Variants in PHLDB2 observed in about 807,000 individuals in gnomAD.
The protein encoded by PHLDB2 is pleckstrin homology like domain family B member 2.
PHLDB2 carries 71 observed loss-of-function variants against 123.6 expected under a neutral mutation model. The observed-to-expected ratio is 0.57, with a 90% CI of 0.47 to 0.70. The LOEUF (loss-of-function observed/expected upper bound fraction) is 0.70. Ranked by LOEUF, PHLDB2 falls within the 30% of genes least tolerant of loss-of-function variation. PHLDB2 has a pLI of 0.00. For missense variants in PHLDB2, 1,446 were observed against 1,519.5 expected (o/e 0.95, Z 0.80); for synonymous variants, 547 against 541.6 (o/e 1.01, Z -0.14).
intron 1 of PHLDB2, among the ~76,000 whole-genome samples, chr3:111,871,645 T>TA (rs1019485383): frequency 7.5e-6 from 1 of 133,696 alleles, no homozygotes; most frequent in Non-Finnish European, 1.6e-5. Context: ...CAGACCCTGT[T>TA]AAAAAAACAA....
chr3:111,785,533 G>C (rs1035775533), intron 1 of PHLDB2, among the ~76,000 whole-genome samples: 6 of 151,804 alleles, frequency 4.0e-5, no homozygotes, highest in Non-Finnish European at 1.5e-5. Context: ...TCTTTATTTT[G>C]TTTTTACACA....
At chr3:111,851,396 C>T (rs1205835146) in intron 2 of PHLDB2, among the ~76,000 whole-genome samples, 1 of 151,908 alleles carries the variant, frequency 6.6e-6, no homozygotes, top group African/African-American at 2.4e-5. Context: ...AATGGGCCTG[C>T]TCATGTGTAT....
chr3:111,885,133 T>C lies in PHLDB2; in HGVS notation c.1056T>C (p.Asp352=), dbSNP rs767098773. 1 of 1,614,156 alleles carries C rather than the reference T, an allele frequency of 6.2e-7. No individual in the cohort carries two copies. Among genetic ancestry groups the C allele is most frequent in the Non-Finnish European group, 8.5e-7 (1 of 1,180,030 alleles). Residue 352 remains aspartate (D), a synonymous_variant, in exon 2 of 18, where the codon GAT becomes GAC. Transcript: ENST00000431670. ...CCTCCACCTCCTCCTGTGCCTCTGA[T>C]GACTTTGATCAGGCTTCATATGTGG... is the stretch of plus-strand genomic sequence containing the variant. ...LLASTSSCAS[D]DFDQASYVGT... is the part of the protein sequence containing the mutation.
At chr3:111,843,121 G>A (rs1202616721) in intron 1 of PHLDB2, among the ~76,000 whole-genome samples, 1 of 152,210 alleles carries the variant, frequency 6.6e-6, no homozygotes, top group African/African-American at 2.4e-5. Flanking sequence ...ATACGTAGGA[G>A]TGGAATTTCT....
At chr3:111,777,732 A>G (rs1430924901) in intron 1 of PHLDB2, among the ~76,000 whole-genome samples, 1 of 152,146 alleles carries the variant, frequency 6.6e-6, no homozygotes, top group Admixed American at 6.6e-5. Context: ...AATACAATAA[A>G]AAAGAATTAG....
At chr3:111,970,587 T>C (rs188107819) in intron 16 of PHLDB2, among the ~76,000 whole-genome samples, 67 of 152,340 alleles carry the variant, frequency 4.4e-4, no homozygotes, top group Admixed American at 3.3e-4. Flanking sequence ...AAATGTTGGC[T>C]GACAAGAAAC....
intron 1 of PHLDB2, among the ~76,000 whole-genome samples, chr3:111,868,558 A>T: frequency 6.6e-6 from 1 of 151,488 alleles, no homozygotes; most frequent in African/African-American, 2.4e-5. Context: ...AAAAAATATT[A>T]TTCTCTTCCT....
At chr3:111,864,421 G>C (rs1434715213) in intron 1 of PHLDB2, among the ~76,000 whole-genome samples, 1 of 151,430 alleles carries the variant, frequency 6.6e-6, no homozygotes, top group Non-Finnish European at 1.5e-5. Context: ...ATTTAGCAAG[G>C]CAGAACTTCT....
At chr3:111,956,692 C>A (rs555518991) in intron 12 of PHLDB2, among the ~76,000 whole-genome samples, 18 of 152,254 alleles carry the variant, frequency 1.2e-4, no homozygotes, top group African/African-American at 4.3e-4. Context: ...GCCTTTGGCT[C>A]CCCTACCCAG....
intron 1 of PHLDB2, among the ~76,000 whole-genome samples, chr3:111,779,168 T>C (rs549128697): frequency 1.4e-3 from 220 of 152,234 alleles, no homozygotes; most frequent in African/African-American, 5.2e-3. Flanking sequence ...TAAGAAGCAC[T>C]GTTCTATAGT....
At chr3:111,778,505 A>T (rs2060307682) in intron 1 of PHLDB2, 1 of 152,066 alleles carries the variant, frequency 6.6e-6, no homozygotes, top group Admixed American at 6.6e-5. Flanking sequence ...AACTAACAAG[A>T]TGCATTATGA....
At chr3:111,756,060 C>T (rs1347424084) in intron 1 of PHLDB2, among the ~76,000 whole-genome samples, 1 of 152,060 alleles carries the variant, frequency 6.6e-6, no homozygotes, top group Non-Finnish European at 1.5e-5. Flanking sequence ...CTGAGGAGAG[C>T]TTTTTACTTC....
At chr3:111,812,514 A>G (rs1214324482) in intron 1 of PHLDB2, among the ~76,000 whole-genome samples, 1 of 152,232 alleles carries the variant, frequency 6.6e-6, no homozygotes, top group African/African-American at 2.4e-5. Context: ...GGAAGGAATC[A>G]GTGAATGAGG....
chr3:111,759,355 TC>T (rs2059955630), intron 1 of PHLDB2, among the ~76,000 whole-genome samples: 1 of 152,248 alleles, frequency 6.6e-6, no homozygotes, highest in Non-Finnish European at 1.5e-5. Flanking sequence ...CTCTGGGGTT[TC>T]TTTTGTAAGG....
At chr3:111,754,378 T>G (rs1223009819) in intron 1 of PHLDB2, among the ~76,000 whole-genome samples, 5 of 141,056 alleles carry the variant, frequency 3.5e-5, no homozygotes. Context: ...CCCTTGTAAG[T>G]TGGATTCCTA....
rs1195687792 is a variant in PHLDB2 at position 111,919,096 on chromosome 3, C to G, written c.1744C>G (p.Gln582Glu). ...PKTPEGISEE[Q>E]RSQELAAMEE... is the part of the protein sequence containing the mutation. The stretch of plus-strand genomic sequence containing the variant: ...GACCCCAGAGGGTATAAGTGAAGAA[C>G]AGAGATCTCAGGAGTTGGCTGCAAT... The change falls in exon 4 of 18, where the codon CAG becomes GAG. Residue 582 changes from glutamine to glutamate, a missense_variant. Physicochemically the swap from Gln to Glu is conservative, Grantham distance 29. Around this residue, in one of 3 missense-constraint regions of PHLDB2, gnomAD observed 832 missense variants for 831.9 expected, o/e 1.00. Coordinates refer to ENST00000431670, the MANE Select transcript of PHLDB2 (RefSeq NM_001134438.2). 1 of 1,613,988 alleles carries G rather than the reference C, an allele frequency of 6.2e-7. No individual in the cohort carries two copies. The highest frequency in any genetic ancestry group is 2.2e-5 in the East Asian group (1 of 44,894).
Position 111,941,091 on chromosome 3 carries a change from G to A in PHLDB2, c.2397+446G>A, listed in dbSNP as rs182411735. 1.1e-4 allele frequency among the ~76,000 whole-genome samples: 17 copies of A among 152,278 alleles called. No individual in the cohort carries two copies. In the East Asian group the frequency reaches 3.1e-3, roughly 28 times the overall value. On this transcript the variant is annotated intron_variant, in intron 8 of 17. Transcript: ENST00000431670. ...TTGTTCATGGGTCTTTCTAGCAAAT[G>A]TCACATTGCATTTAGTTTGAATTAA...
At chr3:111,891,226 A>G (rs2066470731) in intron 2 of PHLDB2, among the ~76,000 whole-genome samples, 1 of 152,198 alleles carries the variant, frequency 6.6e-6, no homozygotes, top group African/African-American at 2.4e-5. Flanking sequence ...GCCACAGACC[A>G]GTAGCGTTTG....
At chr3:111,790,042 T>G (rs868301507) in intron 1 of PHLDB2, among the ~76,000 whole-genome samples, 3 of 152,164 alleles carry the variant, frequency 2.0e-5, no homozygotes, top group Non-Finnish European at 2.9e-5. Context: ...GGAGCCTGAC[T>G]GGGGGCAGGG....
Sources: gnomAD v4.1 joint callset for allele counts (sites outside exome capture counted in the v4.1 genomes callset) on GRCh38, gnomAD v4.1.1 for gene constraint, gnomAD v4.1.1 regional missense constraint, MANE v1.5 for transcripts, NCBI Gene and HGNC (gene_info 2026-07-23, HGNC 2026-07-21) for gene names.